Variants in MAP7D3 observed in about 807,000 individuals in gnomAD.
MAP7D3 encodes the protein MAP7 domain containing 3, also known as MAP7 domain-containing protein 3.
In MAP7D3, 45 loss-of-function variants were observed where a neutral mutation model predicts 62.2. That is an observed-to-expected ratio of 0.72 (90% CI 0.57 to 0.93). The LOEUF (loss-of-function observed/expected upper bound fraction) is 0.93, where lower values mean the gene tolerates loss of function less well. Among genes scored for constraint, MAP7D3 ranks in the 40% least tolerant of loss-of-function variants. The pLI, the probability that MAP7D3 is intolerant of heterozygous loss-of-function variation, is 0.00. For synonymous variants in MAP7D3, 288 were observed against 248.8 expected (o/e 1.16, Z -1.48); for missense variants, 711 against 683.1 (o/e 1.04, Z -0.45).
rs185213192 is a variant in MAP7D3, at chrX:136,223,274, A to G, written c.2194-788T>C. On this transcript the variant is annotated intron_variant, in intron 14 of 18. Coordinates refer to ENST00000316077, the MANE Select transcript of MAP7D3 (RefSeq NM_024597.4). Reference sequence around the variant, plus strand: ...TTAATGCAAATGACCACAACTGGGTAATTACAAACAGACAAAATATCAGTC... The same window carrying G: ...TTAATGCAAATGACCACAACTGGGTGATTACAAACAGACAAAATATCAGTC... 1.1e-3 allele frequency among the ~76,000 whole-genome samples: 128 copies of G among 111,394 alleles called. 1 individual carries two copies. Among genetic ancestry groups the G allele is most frequent in the African/African-American group, 4.0e-3 (121 of 30,595 alleles).
At position 136,232,227 on chromosome X, in the gene MAP7D3, G is replaced by A. The variant is rs776652680; in HGVS notation, c.737-7C>T. 3 of 1,157,733 alleles carry A rather than the reference G, an allele frequency of 2.6e-6. No homozygotes were observed. The highest frequency in any genetic ancestry group is 3.8e-5 in the South Asian group (2 of 52,542). On this transcript the variant is annotated splice_polypyrimidine_tract_variant and splice_region_variant and intron_variant, in intron 7 of 18. Transcript: ENST00000316077. ...TAATTGGTGACGCCTGTAACTGAAT[G>A]AGGACAGAGCATGAAATTCCCTAAG...
In MAP7D3 at chrX:136,225,969, GC is replaced by G; in HGVS notation, c.2078del (p.Arg693ProfsTer17). On this transcript the variant is annotated frameshift_variant, in exon 13 of 19. Coordinates refer to ENST00000316077, the MANE Select transcript of MAP7D3 (RefSeq NM_024597.4). LOFTEE classifies it high-confidence loss of function. Reference protein sequence around the residue: ...KIKAQEEADKRKKEHERIMLQ... With the variant: ...KIKAQEEADKXKKEHERIMLQ... The stretch of plus-strand genomic sequence containing the variant: ...ACATAATTCTCTCGTGTTCTTTCTT[GC>G]GTTTGTCAGCTTCCTCTTGAGCTTT... The G allele has an allele frequency of 8.3e-7, 1 of 1,203,367 alleles. No individual in the cohort carries two copies. The highest frequency in any genetic ancestry group is 1.1e-6 in the Non-Finnish European group (1 of 891,253).
At position 136,241,449 on chromosome X, in the gene MAP7D3, A is replaced by C. The variant is rs183978583; in HGVS notation, c.418-172T>G. 6.3e-5 allele frequency among the ~76,000 whole-genome samples: 7 copies of C among 110,345 alleles called. No individual in the cohort carries two copies. In the Admixed American group the frequency reaches 6.8e-4, roughly 11 times the overall value. On this transcript the variant is annotated intron_variant, in intron 4 of 18. Transcript: ENST00000316077. ...TACCAGTGCTTCTCCTAAATAACTC[A>C]TTTTTTTTTATCTTATGGACCTTGC...
chrX:136,227,400 C>T lies in MAP7D3; in HGVS notation c.1918G>A (p.Glu640Lys), dbSNP rs778698288. 1 of 1,198,669 alleles carries T rather than the reference C, an allele frequency of 8.3e-7. No individual in the cohort carries two copies. The highest frequency in any genetic ancestry group is 1.1e-6 in the Non-Finnish European group (1 of 886,380). The change falls in exon 12 of 19, where the codon GAA (glutamate) becomes AAA (lysine). Residue 640 changes from glutamate to lysine, a missense_variant. Coordinates refer to ENST00000316077, the MANE Select transcript of MAP7D3 (RefSeq NM_024597.4). The part of the protein sequence containing the change: ...VIKKSKDMAK[E>K]AVGGQAEDHL... The stretch of plus-strand genomic sequence containing the variant: ...TCTTCTGCTTGGCCTCCAACTGCTT[C>T]CTTTGCCATGTCTTTTGATTTCTTA...
At chrX:136,253,404 A>G (rs768771541), upstream of MAP7D3, among the ~76,000 whole-genome samples, 1 of 112,355 alleles carries the variant, frequency 8.9e-6, no homozygotes, top group Non-Finnish European at 1.9e-5. Context: ...ATTCAGACAG[A>G]GATAGAGACT....
Position 136,228,739 on chromosome X carries a change from A to C in MAP7D3, c.1770T>G (p.Thr590=). The C allele has an allele frequency of 8.3e-7, 1 of 1,198,375 alleles. No homozygotes were observed. Among genetic ancestry groups the C allele is most frequent in the Non-Finnish European group, 1.1e-6 (1 of 888,806 alleles). ...CCGCCTCGGCATTCATAATACCTGC[A>C]GTACTCTTATTACCAGACTCTAGTT... ...MIYEESGNKS[T]AGIMNAEAAT... Residue 590 remains threonine (T), a synonymous_variant, in exon 11 of 19, where the codon ACT becomes ACG. Coordinates refer to ENST00000316077, the MANE Select transcript of MAP7D3 (RefSeq NM_024597.4).
chrX:136,229,977 A>ATC (rs2074244258), intron 10 of MAP7D3, among the ~76,000 whole-genome samples: 2 of 60,793 alleles, frequency 3.3e-5, no homozygotes, highest in African/African-American at 1.4e-4. Context: ...ATATATATAT[A>ATC]TATATATATA....
upstream of MAP7D3, among the ~76,000 whole-genome samples, chrX:136,255,230 CAAAAAAAAGCAAAT>C (rs1169993162): frequency 1.8e-5 from 2 of 110,938 alleles, no homozygotes; most frequent in East Asian, 5.6e-4. Flanking sequence ...AACAAACAAA[CAAAAAAAAGCAAAT>C]AAAAAAAGAA....
intron 6 of MAP7D3, among the ~76,000 whole-genome samples, chrX:136,239,562 T>C (rs185175477): frequency 8.9e-6 from 1 of 112,178 alleles, no homozygotes; most frequent in East Asian, 2.8e-4. Context: ...GAGTCTTAAC[T>C]ATAAAACAAG....
At chrX:136,251,216 C>A in intron 1 of MAP7D3, 73 bp downstream of exon 1, 2 of 918,104 alleles carry the variant, frequency 2.2e-6, no homozygotes, top group Non-Finnish European at 2.9e-6. Flanking sequence ...GCCGCTCCGA[C>A]GGCCCGGGGA....
chrX:136,247,708 T>A (rs1569532400), intron 1 of MAP7D3, among the ~76,000 whole-genome samples: 1 of 110,315 alleles, frequency 9.1e-6, no homozygotes, highest in Non-Finnish European at 1.9e-5. Context: ...GGCAATTCCA[T>A]GGACCACAAT....
chrX:136,246,977 C>G (rs1003357950), intron 1 of MAP7D3, among the ~76,000 whole-genome samples: 2 of 112,317 alleles, frequency 1.8e-5, no homozygotes, highest in Non-Finnish European at 3.8e-5. Flanking sequence ...GGGGCCCAGG[C>G]ATCTACAATT....
upstream of MAP7D3, among the ~76,000 whole-genome samples, chrX:136,255,727 C>G (rs1404165087): frequency 9.0e-6 from 1 of 110,750 alleles, no homozygotes; most frequent in African/African-American, 3.3e-5. Flanking sequence ...GGGAAAGAAC[C>G]CAGGCGGCTC....
rs372801926 is a variant in MAP7D3, at chrX:136,240,392, G to A, written c.630C>T (p.Ser210=). 6.7e-6 allele frequency: 8 copies of A among 1,187,383 alleles called. No homozygotes were observed. Among genetic ancestry groups the A allele is most frequent in the Non-Finnish European group, 9.1e-6 (8 of 874,482 alleles). Residue 210 remains serine (S), a synonymous_variant, in exon 6 of 19, where the codon TCC becomes TCT. Transcript: ENST00000316077. ...MPLSSAGLQN[S]VAKRKTDKER... ...GAAATAACTACTTACTTTTGGCAACGGAATTTTGAAGGCCTGCAGATGACA... is the reference window on the plus strand; with the variant it reads ...GAAATAACTACTTACTTTTGGCAACAGAATTTTGAAGGCCTGCAGATGACA...
chrX:136,219,137 C>T (rs1437001335), intron 18 of MAP7D3, among the ~76,000 whole-genome samples: 1 of 112,723 alleles, frequency 8.9e-6, no homozygotes, highest in East Asian at 2.8e-4. Flanking sequence ...AGGCGTAAGC[C>T]ACTGCACCTG....
At chrX:136,253,266 A>T (rs949923010), upstream of MAP7D3, among the ~76,000 whole-genome samples, 3 of 112,337 alleles carry the variant, frequency 2.7e-5, no homozygotes, top group Non-Finnish European at 5.6e-5. Flanking sequence ...AAACACACAC[A>T]CATACACAAA....
rs767843165 is a variant in MAP7D3 at position 136,219,416 on chromosome X, G to A, written c.*14C>T. On this transcript the variant is annotated 3_prime_UTR_variant, in exon 18 of 19. Transcript: ENST00000316077. Reference sequence around the variant, plus strand: ...GACTTACCCAAATGAGGAGAAACAGGTTTGCTTCTTCTCTTATTGTCTAAA... The same window carrying A: ...GACTTACCCAAATGAGGAGAAACAGATTTGCTTCTTCTCTTATTGTCTAAA... The A allele has an allele frequency of 2.4e-5, 28 of 1,166,683 alleles. No homozygotes were observed. Among genetic ancestry groups the A allele is most frequent in the Non-Finnish European group, 3.5e-6 (3 of 859,822 alleles).
In MAP7D3 at chrX:136,251,333, C is replaced by T. The variant is rs1460398848; in HGVS notation, c.26G>A (p.Gly9Asp). The change falls in exon 1 of 19, where the codon GGC (glycine) becomes GAC (aspartate). Residue 9 changes from glycine to aspartate, a missense_variant. Transcript: ENST00000316077. ...TCTCAAGGATGGGCTGCCGCCAGCG[C>T]CAGCTGCGGCGCCGTCCGCCATCAT... Reference protein sequence around the residue: MMADGAAAGAGGSPSLREL... With the variant: MMADGAAADAGGSPSLREL... 3 of 1,127,110 alleles carry T rather than the reference C, an allele frequency of 2.7e-6. No individual in the cohort carries two copies. The highest frequency in any genetic ancestry group is 3.5e-6 in the Non-Finnish European group (3 of 859,729). The allele number at this position is 1,127,110 out of a possible 1,213,427, so 92.9% of individuals were successfully genotyped here.
intron 10 of MAP7D3, among the ~76,000 whole-genome samples, chrX:136,229,993 A>ATATTTTT (rs1210531192): frequency 2.3e-4 from 11 of 48,119 alleles, no homozygotes; most frequent in Admixed American, 3.2e-4. Flanking sequence ...ATATATATAT[A>ATATTTTT]TTTTTTTTTT....
Sources: allele counts gnomAD v4.1 joint callset (sites outside exome capture counted in the v4.1 genomes callset), GRCh38; gene constraint gnomAD v4.1.1; transcripts MANE v1.5; gene names NCBI Gene and HGNC (gene_info 2026-07-23, HGNC 2026-07-21).